Variants in CSTPP1 observed in about 807,000 individuals in gnomAD.
CSTPP1 encodes the protein centriolar satellite-associated tubulin polyglutamylase complex regulator 1.
the CSTPP1 span, among the ~76,000 whole-genome samples, chr11:47,015,204 C>T: frequency 2.6e-5 from 4 of 152,010 alleles, no homozygotes; most frequent in African/African-American, 9.7e-5. Flanking sequence ...AGGCTGGGCA[C>T]GGTGGCTCAC....
At chr11:46,967,763 C>CA in the CSTPP1 span, among the ~76,000 whole-genome samples, 1 of 150,142 alleles carries the variant, frequency 6.7e-6, no homozygotes, top group African/African-American at 2.4e-5. Flanking sequence ...TTAATCCTGG[C>CA]AAAAAATAAT....
chr11:47,161,397 G>A, the CSTPP1 span: 1 of 1,601,192 alleles, frequency 6.2e-7, no homozygotes, highest in Non-Finnish European at 8.5e-7. Context: ...GTTAAGAGTG[G>A]GCATGGAGGC....
the CSTPP1 span, chr11:47,155,123 C>T: frequency 1.4e-6 from 2 of 1,432,726 alleles, no homozygotes; most frequent in South Asian, 1.1e-5. Flanking sequence ...TCTCCCTCCC[C>T]TCCTTAAACC....
the CSTPP1 span, among the ~76,000 whole-genome samples, chr11:47,063,761 G>C: frequency 6.6e-6 from 1 of 152,082 alleles, no homozygotes; most frequent in Non-Finnish European, 1.5e-5. Flanking sequence ...CATTTTCGCT[G>C]TTGTAAGTAA....
the CSTPP1 span, among the ~76,000 whole-genome samples, chr11:46,937,276 A>G: frequency 1.3e-5 from 2 of 152,134 alleles, no homozygotes; most frequent in African/African-American, 4.8e-5. Context: ...GAATTTCTCA[A>G]CAGCCCTAGG....
At chr11:47,024,290 C>T in the CSTPP1 span, among the ~76,000 whole-genome samples, 1 of 152,074 alleles carries the variant, frequency 6.6e-6, no homozygotes, top group South Asian at 2.1e-4. Flanking sequence ...TCTCAAACTC[C>T]TGGGCTCAAG....
the CSTPP1 span, among the ~76,000 whole-genome samples, chr11:47,018,287 CTTTTTTTTTTT>C: frequency 3.6e-5 from 3 of 82,222 alleles, no homozygotes; most frequent in African/African-American, 9.7e-5. Context: ...GTATGTTTAG[CTTTTTTTTTTT>C]TTTTTTTTTT....
At chr11:47,097,113 C>T in the CSTPP1 span, among the ~76,000 whole-genome samples, 1 of 138,860 alleles carries the variant, frequency 7.2e-6, no homozygotes, top group Non-Finnish European at 1.6e-5. Flanking sequence ...GGGGTCAGCC[C>T]CCCGCCTGGC....
At chr11:47,090,215 C>T in the CSTPP1 span, among the ~76,000 whole-genome samples, 2 of 152,250 alleles carry the variant, frequency 1.3e-5, no homozygotes, top group Non-Finnish European at 1.5e-5. Flanking sequence ...GAACTCCCGA[C>T]CTCAGGTGAT....
At chr11:47,004,468 T>C in the CSTPP1 span, 1 of 152,102 alleles carries the variant, frequency 6.6e-6, no homozygotes, top group Non-Finnish European at 1.5e-5. Context: ...TGTGCGCCAC[T>C]GTACCTGGCC....
chr11:47,137,480 A>G, the CSTPP1 span: 2 of 1,500,262 alleles, frequency 1.3e-6, no homozygotes, highest in South Asian at 2.6e-5. Flanking sequence ...TACTGATCTT[A>G]AAATCTCACA....
At chr11:47,068,401 G>A in the CSTPP1 span, among the ~76,000 whole-genome samples, 1 of 151,764 alleles carries the variant, frequency 6.6e-6, no homozygotes, top group Non-Finnish European at 1.5e-5. Context: ...GCACGGTGGC[G>A]CGCGCCTGTA....
chr11:47,064,899 C>G, the CSTPP1 span, among the ~76,000 whole-genome samples: 3 of 152,118 alleles, frequency 2.0e-5, no homozygotes, highest in Non-Finnish European at 4.4e-5. Flanking sequence ...CACATGCTAC[C>G]ACACCCGCTA....
At chr11:47,028,446 C>G in the CSTPP1 span, among the ~76,000 whole-genome samples, 1 of 152,032 alleles carries the variant, frequency 6.6e-6, no homozygotes, top group Non-Finnish European at 1.5e-5. Context: ...ATAACAACAG[C>G]CTACTAGAGA....
chr11:47,129,217 A>G, the CSTPP1 span, among the ~76,000 whole-genome samples: 1 of 152,178 alleles, frequency 6.6e-6, no homozygotes, highest in South Asian at 2.1e-4. Context: ...GAAAAACTGG[A>G]AGTGGTAACA....
At chr11:47,116,680 T>TG in the CSTPP1 span, among the ~76,000 whole-genome samples, 3 of 136,852 alleles carry the variant, frequency 2.2e-5, no homozygotes, top group African/African-American at 8.2e-5. Flanking sequence ...GGTAGGTTTT[T>TG]TTTTTTTTTT....
the CSTPP1 span, among the ~76,000 whole-genome samples, chr11:47,101,164 ATTTTTT>A: frequency 3.3e-5 from 1 of 30,374 alleles, no homozygotes; most frequent in African/African-American, 1.8e-4. Context: ...ACACCGGCTA[ATTTTTT>A]TTTTTTTTTT....
the CSTPP1 span, among the ~76,000 whole-genome samples, chr11:47,148,170 C>T: frequency 6.6e-6 from 1 of 152,206 alleles, no homozygotes; most frequent in Non-Finnish European, 1.5e-5. Flanking sequence ...TTCCTCCCAC[C>T]TGGAGAAGGT....
the CSTPP1 span, among the ~76,000 whole-genome samples, chr11:47,158,267 A>T: frequency 6.6e-6 from 1 of 152,110 alleles, no homozygotes; most frequent in Admixed American, 6.5e-5. Context: ...GACGCTAGAG[A>T]TTATATATCA....
Sources: allele counts gnomAD v4.1 joint callset (sites outside exome capture counted in the v4.1 genomes callset), GRCh38; gene constraint gnomAD v4.1.1; transcripts MANE v1.5; gene names NCBI Gene and HGNC (gene_info 2026-07-23, HGNC 2026-07-21).